VPS13B: variants seen among roughly 807,000 people sequenced by gnomAD.
VPS13B encodes vacuolar protein sorting 13 homolog B.
In VPS13B, 285 loss-of-function variants were observed where a neutral mutation model predicts 426.4. That is an observed-to-expected ratio of 0.67 (90% CI 0.61 to 0.74). VPS13B has a LOEUF of 0.74. VPS13B is among the 30% of genes least tolerant of loss of function. The pLI, the probability that VPS13B is intolerant of heterozygous loss-of-function variation, is 0.00. For synonymous variants in VPS13B, 1,676 were observed against 1,676.4 expected (o/e 1.00, Z 0.01); for missense variants, 4,537 against 4,782.6 (o/e 0.95, Z 1.51).
chr8:99,209,281 C>CA (rs1397074851), intron 17 of VPS13B, among the ~76,000 whole-genome samples: 1,484 of 97,026 alleles, frequency 0.015, 19 homozygotes, highest in African/African-American at 0.044. Context: ...GGCTCCATCT[C>CA]AAAAAAAAAA....
At chr8:99,429,652 G>A (rs962986514) in intron 21 of VPS13B, 2 of 152,234 alleles carry the variant, frequency 1.3e-5, no homozygotes, top group East Asian at 3.9e-4. Flanking sequence ...CCATCAGTAA[G>A]TCTTATTGGT....
intron 33 of VPS13B, among the ~76,000 whole-genome samples, chr8:99,598,503 A>G (rs1321731193): frequency 6.6e-6 from 1 of 152,012 alleles, no homozygotes; most frequent in East Asian, 1.9e-4. Context: ...TATTAAGTCT[A>G]CTTACAGAGG....
chr8:99,803,181 T>A (rs1813216359), intron 43 of VPS13B, among the ~76,000 whole-genome samples: 1 of 152,220 alleles, frequency 6.6e-6, no homozygotes, highest in African/African-American at 2.4e-5. Flanking sequence ...GTATTACAAG[T>A]AAGATTTTTT....
chr8:99,107,297 A>G (rs1179681560), intron 5 of VPS13B, among the ~76,000 whole-genome samples: 2 of 152,214 alleles, frequency 1.3e-5, no homozygotes, highest in African/African-American at 4.8e-5. Context: ...TCTATAAATC[A>G]ATAAGAAAAG....
chr8:99,107,785 G>T (rs557151249), intron 5 of VPS13B, among the ~76,000 whole-genome samples: 10 of 152,258 alleles, frequency 6.6e-5, no homozygotes, highest in Non-Finnish European at 1.2e-4. Context: ...TCTCTAAAAT[G>T]ATTAAATCAA....
rs1339514934 is a variant in VPS13B, at chr8:99,391,637, G to A, written c.3015G>A (p.Leu1005=). Reference sequence around the variant, plus strand: ...AGGTGTCTATTGGAAGTGCCCCCTTGGCAAAGCAGCAATCATATCAGGCCT... The same window carrying A: ...AGGTGTCTATTGGAAGTGCCCCCTTAGCAAAGCAGCAATCATATCAGGCCT... ...EDEVSIGSAP[L]AKQQSYQASE... Residue 1005 remains leucine (L), a synonymous_variant, in exon 21 of 62, where the codon TTG becomes TTA. Transcript: ENST00000357162. The A allele has an allele frequency of 1.9e-6, 3 of 1,614,070 alleles. No homozygotes were observed. Among genetic ancestry groups the A allele is most frequent in the Non-Finnish European group, 2.5e-6 (3 of 1,179,952 alleles).
Position 99,275,363 on chromosome 8 carries a change from A to G in VPS13B, c.2824+109A>G, listed in dbSNP as rs1293119141. 81 of 1,077,848 alleles carry G rather than the reference A, an allele frequency of 7.5e-5. No individual in the cohort carries two copies. In the East Asian group the frequency reaches 1.5e-3, roughly 21 times the overall value. 66.8% of individuals were successfully genotyped at this position (1,077,848 alleles called of 1,614,324 possible). ...TTTTTTTTTTTAGGTATTTTTGTCAATTGGCTTACTCTGCAGTTGTGCTTT... is the reference window on the plus strand; with the variant it reads ...TTTTTTTTTTTAGGTATTTTTGTCAGTTGGCTTACTCTGCAGTTGTGCTTT... On this transcript the variant is annotated intron_variant, in intron 19 of 61. Coordinates refer to ENST00000357162, the MANE Select transcript of VPS13B (RefSeq NM_152564.5).
At chr8:99,060,016 G>A (rs938197792) in intron 3 of VPS13B, among the ~76,000 whole-genome samples, 5 of 152,104 alleles carry the variant, frequency 3.3e-5, no homozygotes, top group Admixed American at 6.5e-5. Flanking sequence ...GATTATAGGC[G>A]TGAGCCACTC....
At chr8:99,404,164 G>A (rs1815204158) in intron 21 of VPS13B, among the ~76,000 whole-genome samples, 1 of 152,170 alleles carries the variant, frequency 6.6e-6, no homozygotes, top group Non-Finnish European at 1.5e-5. Context: ...GATTTGAACT[G>A]TAATGTCACT....
chr8:99,081,703 C>T (rs1422563260), intron 3 of VPS13B, among the ~76,000 whole-genome samples: 3 of 151,392 alleles, frequency 2.0e-5, no homozygotes, highest in African/African-American at 7.3e-5. Flanking sequence ...TGAGTGAGAA[C>T]ATGCAGTGTT....
At chr8:99,484,542 G>C (rs1220549517) in intron 25 of VPS13B, among the ~76,000 whole-genome samples, 1 of 152,094 alleles carries the variant, frequency 6.6e-6, no homozygotes, top group African/African-American at 2.4e-5. Context: ...TTTTCATAAA[G>C]GGCAGGAAGA....
At chr8:99,466,101 C>A (rs1342427251) in intron 23 of VPS13B, among the ~76,000 whole-genome samples, 1 of 152,012 alleles carries the variant, frequency 6.6e-6, no homozygotes, top group African/African-American at 2.4e-5. Flanking sequence ...AGTGAAAAAA[C>A]AAGGGAAGAC....
intron 16 of VPS13B, among the ~76,000 whole-genome samples, chr8:99,178,159 AT>A (rs527669325): frequency 0.035 from 5,061 of 145,716 alleles, 113 homozygotes; most frequent in South Asian, 0.078. Context: ...TTTTTATTTT[AT>A]TTTTTTTTTA....
chr8:99,403,326 A>G (rs1489520010), intron 21 of VPS13B, among the ~76,000 whole-genome samples: 1 of 152,154 alleles, frequency 6.6e-6, no homozygotes, highest in African/African-American at 2.4e-5. Context: ...AGGTGGGCAG[A>G]TCACCTGAGG....
intron 50 of VPS13B, 73 bp downstream of exon 50, chr8:99,821,555 T>C: frequency 6.4e-7 from 1 of 1,563,338 alleles, no homozygotes; most frequent in Non-Finnish European, 8.8e-7. Context: ...TGAATCTGCC[T>C]TTTTCTTTTT....
In VPS13B at chr8:99,391,561, C is replaced by T. The variant is rs755964453; in HGVS notation, c.2939C>T (p.Pro980Leu). The T allele has an allele frequency of 1.9e-6, 3 of 1,614,144 alleles. No individual in the cohort carries two copies. The highest frequency in any genetic ancestry group is 2.5e-6 in the Non-Finnish European group (3 of 1,180,022). ...KRTSRHMQQQ[P>L]VVAVPLVMPV... is the part of the protein sequence containing the mutation. ...TTTCATTTTGTCTCTTTCCAGCAGC[C>T]TGTGGTAGCTGTTCCTCTTGTTATG... The change falls in exon 21 of 62, where the codon CCT (proline) becomes CTT (leucine). Residue 980 changes from proline to leucine, a missense_variant. By Grantham distance (98) the Pro-to-Leu change is moderately conservative. Transcript: ENST00000357162.
chr8:99,345,845 C>T (rs1811506421), intron 19 of VPS13B, among the ~76,000 whole-genome samples: 1 of 152,140 alleles, frequency 6.6e-6, no homozygotes, highest in African/African-American at 2.4e-5. Context: ...AAATTAAGAA[C>T]CCCTCCAACC....
chr8:99,491,803 C>T (rs548224196), intron 25 of VPS13B, among the ~76,000 whole-genome samples: 3 of 152,288 alleles, frequency 2.0e-5, no homozygotes, highest in South Asian at 4.1e-4. Context: ...GCGATGGGTT[C>T]GAACATGCTC....
rs766174341 is a variant in VPS13B, at chr8:99,467,640, TA to T, written c.3666+7del. On this transcript the variant is annotated splice_region_variant and intron_variant, in intron 24 of 61. Coordinates refer to ENST00000357162, the MANE Select transcript of VPS13B (RefSeq NM_152564.5). ...TAAAATGCTCTAATCCCCAGGTTGGTACATTTGATTTATGAAAGGAAATTTA... is the reference window on the plus strand; with the variant it reads ...TAAAATGCTCTAATCCCCAGGTTGGTCATTTGATTTATGAAAGGAAATTTA... 2 of 1,606,906 alleles carry T rather than the reference TA, an allele frequency of 1.2e-6. No homozygotes were observed. Among genetic ancestry groups the T allele is most frequent in the East Asian group, 4.5e-5 (2 of 44,854 alleles).
Sources: gnomAD v4.1 joint callset for allele counts (sites outside exome capture counted in the v4.1 genomes callset) on GRCh38, gnomAD v4.1.1 for gene constraint, MANE v1.5 for transcripts, NCBI Gene and HGNC (gene_info 2026-07-23, HGNC 2026-07-21) for gene names.